RPS5: variants seen among roughly 807,000 people sequenced by gnomAD.
RPS5 encodes the protein ribosomal protein S5.
Under a neutral mutation model 20.9 loss-of-function variants are expected in RPS5, and 2 were observed. The ratio of observed to expected loss-of-function variants is 0.10; its 90% CI spans 0.04 to 0.30. The LOEUF (loss-of-function observed/expected upper bound fraction) is 0.30, where lower values mean the gene tolerates loss of function less well. RPS5 is among the 10% of genes least tolerant of loss of function. The probability of loss-of-function intolerance (pLI) is 1.00; values close to 1 mark genes in which losing one functional copy is unlikely to be tolerated. For synonymous variants in RPS5, 112 were observed against 105.8 expected, an observed-to-expected ratio of 1.06 and a Z score of -0.36; for missense variants, 122 against 287.2, an observed-to-expected ratio of 0.42 and a Z score of 4.16.
chr19:58,393,328 G>T (rs534915188), intron 3 of RPS5, 31 bp from the exon 4 acceptor site: 2 of 1,611,376 alleles, frequency 1.2e-6, no homozygotes, highest in East Asian at 2.2e-5. Context: ...CATGGGGCTG[G>T]ATGTCAGGCT....
intron 2 of RPS5, among the ~76,000 whole-genome samples, chr19:58,390,721 A>C (rs559000771): frequency 2.0e-5 from 3 of 152,276 alleles, no homozygotes; most frequent in Admixed American, 2.0e-4. Context: ...CATCAATGGG[A>C]GTTCACTGTA....
chr19:58,388,162 C>A lies in RPS5; in HGVS notation c.25C>A (p.Pro9Thr). The change falls in exon 2 of 6, where the codon CCA becomes ACA. Residue 9 changes from proline (P) to threonine (T), a missense_variant. Transcript: ENST00000196551. MTEWETAAPAVAETPDIKL... is the reference protein window; with the variant it reads MTEWETAATAVAETPDIKL... Reference sequence around the variant, plus strand: ...GATGACCGAGTGGGAGACAGCAGCACCAGCGGTGGCAGAGACCCCAGACAT... The same window carrying A: ...GATGACCGAGTGGGAGACAGCAGCAACAGCGGTGGCAGAGACCCCAGACAT... The A allele has an allele frequency of 1.2e-6, 2 of 1,612,796 alleles. No individual in the cohort carries two copies. Among genetic ancestry groups the A allele is most frequent in the Non-Finnish European group, 1.7e-6 (2 of 1,179,818 alleles).
chr19:58,388,743 G>T, intron 2 of RPS5: 1 of 295,372 alleles, frequency 3.4e-6, no homozygotes. Flanking sequence ...TCCTGCCTCA[G>T]CCTCCTGAGT....
At chr19:58,390,444 T>C (rs2052355644) in intron 2 of RPS5, among the ~76,000 whole-genome samples, 1 of 132,568 alleles carries the variant, frequency 7.5e-6, no homozygotes, top group African/African-American at 3.0e-5. Flanking sequence ...TTTTTTTTTT[T>C]TTTTTTTTTT....
chr19:58,394,606 G>T lies in RPS5; in HGVS notation c.546+11G>T, dbSNP rs754144164. 1 of 1,613,908 alleles carries T rather than the reference G, an allele frequency of 6.2e-7. No individual in the cohort carries two copies. Among genetic ancestry groups the T allele is most frequent in the Non-Finnish European group, 8.5e-7 (1 of 1,179,794 alleles). On this transcript the variant is annotated intron_variant, in intron 5 of 5. Coordinates refer to ENST00000196551, the MANE Select transcript of RPS5 (RefSeq NM_001009.4). ...ATCAATGCTGCCAAGGTGGGTGAGG[G>T]CACTCCGGTTGGGGGGTCTTAAGTT... is the stretch of plus-strand genomic sequence containing the variant.
chr19:58,394,014 T>C lies in RPS5; in HGVS notation c.448-483T>C, dbSNP rs1382054960. 2.4e-5 allele frequency: 4 copies of C among 168,634 alleles called. No homozygotes were observed. In the East Asian group the frequency reaches 6.8e-4, roughly 29 times the overall value. The allele number at this position is 168,634 out of a possible 1,614,324, so 10.4% of individuals were successfully genotyped here. A position where few individuals can be genotyped will look rare whatever the true frequency, so the allele number is the denominator to read the frequency against. On this transcript the variant is annotated intron_variant, in intron 4 of 5. Transcript: ENST00000196551. ...AAATAATTGAGATGGAATCTCAGGG[T>C]GTTCTTGAATTCCTGGTCTCAAATG... is the stretch of plus-strand genomic sequence containing the variant.
chr19:58,388,527 C>A, intron 2 of RPS5: 2 of 496,956 alleles, frequency 4.0e-6, no homozygotes, highest in South Asian at 3.3e-5. Flanking sequence ...CATCCAGTGT[C>A]ATTCTTTTGC....
chr19:58,394,269 G>C (rs932152228), intron 4 of RPS5: 4 of 550,142 alleles, frequency 7.3e-6, no homozygotes, highest in African/African-American at 1.9e-5. Flanking sequence ...GTTGAGGCAG[G>C]TCTCAATCTC....
At chr19:58,387,813 A>G (rs978315217) in intron 1 of RPS5, 2 of 329,398 alleles carry the variant, frequency 6.1e-6, no homozygotes, top group Admixed American at 9.1e-5. Context: ...GTAAATCGCG[A>G]GATTGTGGTT....
chr19:58,388,150 G>T lies in RPS5; in HGVS notation c.13G>T (p.Glu5Ter). ...ACCCTGTCCCAGGATGACCGAGTGG[G>T]AGACAGCAGCACCAGCGGTGGCAGA... MTEW[E>*]TAAPAVAETP... is the part of the protein sequence containing the mutation. Residue 5 changes from glutamate to a stop codon, truncating the protein, a stop_gained, in exon 2 of 6, where the codon GAG becomes TAG. Transcript: ENST00000196551. LOFTEE classifies it high-confidence loss of function. The T allele has an allele frequency of 6.2e-7, 1 of 1,612,428 alleles. No homozygotes were observed.
intron 2 of RPS5, among the ~76,000 whole-genome samples, chr19:58,391,416 G>C (rs2052362141): frequency 1.6e-5 from 2 of 123,582 alleles, no homozygotes; most frequent in Admixed American, 1.8e-4. Context: ...TGGCCAACAA[G>C]AGCGAAACTC....
chr19:58,389,342 G>C (rs926338162), intron 2 of RPS5, among the ~76,000 whole-genome samples: 36 of 152,040 alleles, frequency 2.4e-4, no homozygotes, highest in Non-Finnish European at 4.4e-5. Context: ...TGTGATCACA[G>C]TTCACTGCAG....
rs80328267 is a variant in RPS5, at chr19:58,389,289, T to G, written c.108+1044T>G. ...TTTTTAATCATTAAAGTTTTATCTTTGAGATAAGATCACTCTCTGTCACCC... is the reference window on the plus strand; with the variant it reads ...TTTTTAATCATTAAAGTTTTATCTTGGAGATAAGATCACTCTCTGTCACCC... On this transcript the variant is annotated intron_variant, in intron 2 of 5. Transcript: ENST00000196551. Among the ~76,000 whole-genome samples, 941 of 152,312 alleles carry G rather than the reference T, an allele frequency of 6.2e-3. 8 individuals carry two copies. The highest frequency in any genetic ancestry group is 0.021 in the African/African-American group (863 of 41,564).
intron 2 of RPS5, among the ~76,000 whole-genome samples, chr19:58,391,998 A>G (rs1198773246): frequency 6.6e-6 from 1 of 152,096 alleles, no homozygotes; most frequent in Non-Finnish European, 1.5e-5. Context: ...ACACTTAGCA[A>G]TGCCTGGATA....
rs534852631 is a variant in RPS5 at position 58,388,903 on chromosome 19, A to G, written c.108+658A>G. ...CTCGGCCTCCCAAAGTGCTGGGATT[A>G]CAGGCGTGAGCCACCGCGCCCGGCC... On this transcript the variant is annotated intron_variant, in intron 2 of 5. Coordinates refer to ENST00000196551, the MANE Select transcript of RPS5 (RefSeq NM_001009.4). Among the ~76,000 whole-genome samples the G allele has an allele frequency of 6.6e-5, 10 of 152,212 alleles. No individual in the cohort carries two copies. The South Asian group carries it at 8.3e-4, about 13-fold the overall frequency.
chr19:58,393,286 C>A (rs1469631640), intron 3 of RPS5, 73 bp from the exon 4 acceptor site: 3 of 1,608,380 alleles, frequency 1.9e-6, no homozygotes, highest in Non-Finnish European at 2.6e-6. Flanking sequence ...TGTGGTCACT[C>A]TTGTTTTAGG....
At chr19:58,391,301 G>A (rs1020408595) in intron 2 of RPS5, among the ~76,000 whole-genome samples, 3 of 151,126 alleles carry the variant, frequency 2.0e-5, no homozygotes, top group Non-Finnish European at 3.0e-5. Context: ...GCATGGTGGC[G>A]TGCACCTGTT....
intron 4 of RPS5, 171 bp from the exon 5 acceptor site, chr19:58,394,326 C>T: frequency 1.6e-6 from 1 of 615,314 alleles, no homozygotes; most frequent in Non-Finnish European, 2.9e-6. Flanking sequence ...TGTGTCTGGA[C>T]ACTTGCTCTT....
rs2052336466 is a variant in RPS5, at chr19:58,387,844, G to T, written c.-1-293G>T. 6.9e-6 allele frequency: 3 copies of T among 437,086 alleles called. No homozygotes were observed. In the South Asian group the frequency reaches 7.2e-5, roughly 10 times the overall value. The allele number at this position is 437,086 out of a possible 1,614,324, so 27.1% of individuals were successfully genotyped here. A position where few individuals can be genotyped will look rare whatever the true frequency, so the allele number is the denominator to read the frequency against. Reference sequence around the variant, plus strand: ...TGGTTTGAATTACAGCCCATGCAGTGTGAGGACGTATGGCATCTGCTGAGC... The same window carrying T: ...TGGTTTGAATTACAGCCCATGCAGTTTGAGGACGTATGGCATCTGCTGAGC... On this transcript the variant is annotated intron_variant, in intron 1 of 5. Transcript: ENST00000196551.
Sources: allele counts gnomAD v4.1 joint callset (sites outside exome capture counted in the v4.1 genomes callset), GRCh38; gene constraint gnomAD v4.1.1; transcripts MANE v1.5; gene names NCBI Gene and HGNC (gene_info 2026-07-23, HGNC 2026-07-21).